The following DGKI variants were observed in gnomAD, a reference collection of about 807,000 sequenced individuals.
DGKI encodes the protein diacylglycerol kinase iota.
Under a neutral mutation model 147.5 loss-of-function variants are expected in DGKI, and 55 were observed. The observed-to-expected ratio is 0.37, with a 90% CI of 0.30 to 0.47. The LOEUF (loss-of-function observed/expected upper bound fraction) is 0.47. Ranked by LOEUF, DGKI falls within the 20% of genes least tolerant of loss-of-function variation. The probability of loss-of-function intolerance (pLI) is 1.00; values close to 1 mark genes in which losing one functional copy is unlikely to be tolerated. For missense variants in DGKI, 1,007 were observed against 1,323.8 expected, an observed-to-expected ratio of 0.76 and a Z score of 3.71; for synonymous variants, 469 against 477.1, an observed-to-expected ratio of 0.98 and a Z score of 0.22.
At chr7:137,517,321 A>AAG (rs1352200805) in intron 21 of DGKI, among the ~76,000 whole-genome samples, 3 of 130,260 alleles carry the variant, frequency 2.3e-5, no homozygotes, top group African/African-American at 1.0e-4. Flanking sequence ...GAAAGAAAGA[A>AAG]AGAAAGAAAG....
At position 137,608,378 on chromosome 7, in the gene DGKI, G is replaced by A. The variant is rs1446882820; in HGVS notation, c.1167+588C>T. ...CCTTTATAGACCAGTGTCACTTTAG[G>A]CATGCCTTTAGACTTAACTTTTCTA... is the stretch of plus-strand genomic sequence containing the variant. On this transcript the variant is annotated intron_variant, in intron 10 of 32. Coordinates refer to ENST00000614521, the MANE Select transcript of DGKI (RefSeq NM_001321708.2). Among the ~76,000 whole-genome samples, 3 of 152,098 alleles carry A rather than the reference G, an allele frequency of 2.0e-5. No individual in the cohort carries two copies. The South Asian group carries it at 6.2e-4, about 32-fold the overall frequency.
intron 1 of DGKI, among the ~76,000 whole-genome samples, chr7:137,721,258 A>G (rs967429860): frequency 4.6e-5 from 7 of 152,202 alleles, no homozygotes; most frequent in Non-Finnish European, 1.0e-4. Context: ...CAATCCTACA[A>G]TGAATGTCTT....
At position 137,383,454 on chromosome 7, in the gene DGKI, G is replaced by A. The variant is rs1374113324; in HGVS notation, c.*7766C>T. The A allele has an allele frequency of 6.6e-6, 1 of 151,584 alleles. No individual in the cohort carries two copies. The highest frequency in any genetic ancestry group is 1.5e-5 in the Non-Finnish European group (1 of 67,820). The allele number at this position is 151,584 out of a possible 1,614,324, so 9.4% of individuals were successfully genotyped here. ...GCCTTCATTGCTATCTAGTTGGCAG[G>A]AACCTGGGGGAAAAAAATAGGCTCA... On this transcript the variant is annotated 3_prime_UTR_variant, in exon 33 of 33. Transcript: ENST00000614521.
At chr7:137,459,673 A>C (rs1161186190) in intron 27 of DGKI, among the ~76,000 whole-genome samples, 1 of 151,478 alleles carries the variant, frequency 6.6e-6, no homozygotes, top group Non-Finnish European at 1.5e-5. Context: ...ACGGGGTTTC[A>C]CCATGTTAGC....
Position 137,655,075 on chromosome 7 carries a change from G to C in DGKI, c.682-287C>G, listed in dbSNP as rs565862327. Reference sequence around the variant, plus strand: ...CCATAAATTTGAGAAACTGAGATAAGAAAGAGCCAGAGGAAAGATACTGGC... The same window carrying C: ...CCATAAATTTGAGAAACTGAGATAACAAAGAGCCAGAGGAAAGATACTGGC... On this transcript the variant is annotated intron_variant, in intron 4 of 32. Coordinates refer to ENST00000614521, the MANE Select transcript of DGKI (RefSeq NM_001321708.2). Among the ~76,000 whole-genome samples, 6 of 152,252 alleles carry C rather than the reference G, an allele frequency of 3.9e-5. No homozygotes were observed. In the South Asian group the frequency reaches 1.2e-3, roughly 32 times the overall value.
intron 21 of DGKI, among the ~76,000 whole-genome samples, chr7:137,490,850 C>G (rs1165694908): frequency 6.6e-6 from 1 of 152,170 alleles, no homozygotes; most frequent in African/African-American, 2.4e-5. Context: ...AATACTCAAC[C>G]TTCACAATGG....
Position 137,545,872 on chromosome 7 carries a change from T to C in DGKI, c.2147+6497A>G, listed in dbSNP as rs536830233. The C allele has an allele frequency of 5.3e-5, 37 of 696,258 alleles. No individual in the cohort carries two copies. The Admixed American group carries it at 6.5e-4, about 12-fold the overall frequency. The allele number at this position is 696,258 out of a possible 1,614,324, so 43.1% of individuals were successfully genotyped here. Reference sequence around the variant, plus strand: ...TGAGGAGACGAGGCTGGGGAGAAAATGTAGAAACAGAATGGCACTGTACTC... The same window carrying C: ...TGAGGAGACGAGGCTGGGGAGAAAACGTAGAAACAGAATGGCACTGTACTC... On this transcript the variant is annotated intron_variant, in intron 20 of 32. Coordinates refer to ENST00000614521, the MANE Select transcript of DGKI (RefSeq NM_001321708.2).
intron 28 of DGKI, among the ~76,000 whole-genome samples, chr7:137,425,921 G>C (rs1418182475): frequency 3.3e-5 from 5 of 152,172 alleles, no homozygotes; most frequent in Non-Finnish European, 7.3e-5. Flanking sequence ...ATCTACGTCT[G>C]ATTGGTGTAT....
rs1289660150 is a variant in DGKI at position 137,638,617 on chromosome 7, CACACAT to C, written c.804+6849_804+6854del. On this transcript the variant is annotated intron_variant, in intron 6 of 32. Transcript: ENST00000614521. ...ATACATATATGTATATATATACACA[CACACAT>C]ATATATGTGTGTATATATGTGTATG... Among the ~76,000 whole-genome samples the C allele has an allele frequency of 4.8e-3, 27 of 5,600 alleles. 10 individuals carry two copies. The highest frequency in any genetic ancestry group is 9.2e-3 in the African/African-American group (23 of 2,492). 3.7% of individuals were successfully genotyped at this position (5,600 alleles called of 152,430 possible).
intron 31 of DGKI, chr7:137,396,051 T>C (rs1811538984): frequency 5.5e-6 from 1 of 181,046 alleles, no homozygotes; most frequent in Non-Finnish European, 1.2e-5. Flanking sequence ...TGTGCATACA[T>C]TTGAGCAGAG....
chr7:137,679,408 T>G (rs1332563741), intron 2 of DGKI, among the ~76,000 whole-genome samples: 3 of 151,790 alleles, frequency 2.0e-5, no homozygotes, highest in South Asian at 2.1e-4. Flanking sequence ...CAAACTGTTT[T>G]TTTTTTTTTT....
intron 28 of DGKI, among the ~76,000 whole-genome samples, chr7:137,420,658 C>A (rs769770631): frequency 6.6e-6 from 1 of 152,028 alleles, no homozygotes; most frequent in South Asian, 2.1e-4. Flanking sequence ...GAAGACCAGG[C>A]AATGGGTGCT....
intron 6 of DGKI, among the ~76,000 whole-genome samples, chr7:137,628,275 T>C (rs1453790207): frequency 6.6e-6 from 1 of 152,170 alleles, no homozygotes; most frequent in South Asian, 2.1e-4. Context: ...CCAATCACAA[T>C]TGGGGCACTG....
intron 1 of DGKI, among the ~76,000 whole-genome samples, chr7:137,710,846 CACAA>C (rs1794187720): frequency 6.6e-6 from 1 of 151,832 alleles, no homozygotes; most frequent in Non-Finnish European, 1.5e-5. Flanking sequence ...AAAGATTAGC[CACAA>C]AATAAAAGAT....
chr7:137,780,468 G>A (rs186752902), intron 1 of DGKI, among the ~76,000 whole-genome samples: 1 of 152,306 alleles, frequency 6.6e-6, no homozygotes, highest in Admixed American at 6.5e-5. Flanking sequence ...CCTGTAAGAT[G>A]CACAGCTGTT....
intron 1 of DGKI, among the ~76,000 whole-genome samples, chr7:137,797,807 T>C (rs1222304672): frequency 6.6e-6 from 1 of 151,258 alleles, no homozygotes; most frequent in African/African-American, 2.4e-5. Context: ...CTTAAGAAAC[T>C]AGAAGAAGAA....
At chr7:137,598,503 C>T (rs919418575) in intron 11 of DGKI, among the ~76,000 whole-genome samples, 1 of 152,162 alleles carries the variant, frequency 6.6e-6, no homozygotes, top group Admixed American at 6.6e-5. Flanking sequence ...ACACCTCCAA[C>T]CCAAAGTGGG....
chr7:137,605,667 A>T (rs1439094728), intron 10 of DGKI, among the ~76,000 whole-genome samples: 1 of 152,260 alleles, frequency 6.6e-6, no homozygotes, highest in African/African-American at 2.4e-5. Context: ...CAACAAAGAT[A>T]GAACTGGAGG....
At chr7:137,610,586 A>G (rs990352171) in intron 8 of DGKI, among the ~76,000 whole-genome samples, 1 of 152,226 alleles carries the variant, frequency 6.6e-6, no homozygotes, top group Non-Finnish European at 1.5e-5. Context: ...CATATAATAG[A>G]TGTTTAACAA....
Sources: gnomAD v4.1 joint callset for allele counts (sites outside exome capture counted in the v4.1 genomes callset) on GRCh38, gnomAD v4.1.1 for gene constraint, MANE v1.5 for transcripts, NCBI Gene and HGNC (gene_info 2026-07-23, HGNC 2026-07-21) for gene names.